SLIT1: variants seen among roughly 807,000 people sequenced by gnomAD.
SLIT1 encodes slit homolog 1 protein.
Under a neutral mutation model 186.1 loss-of-function variants are expected in SLIT1, and 66 were observed. The observed-to-expected ratio is 0.35, with a 90% CI of 0.29 to 0.44. The LOEUF (loss-of-function observed/expected upper bound fraction) is 0.44, where lower values mean the gene tolerates loss of function less well. Among genes scored for constraint, SLIT1 ranks in the 20% least tolerant of loss-of-function variants. SLIT1 has a pLI of 1.00. For missense variants in SLIT1, 1,638 were observed against 2,037.4 expected (o/e 0.80, Z 3.77); for synonymous variants, 761 against 833.8 (o/e 0.91, Z 1.50).
chr10:97,140,029 C>T (rs1849741859), intron 4 of SLIT1, among the ~76,000 whole-genome samples: 1 of 152,126 alleles, frequency 6.6e-6, no homozygotes, highest in Admixed American at 6.5e-5. Context: ...TCTGTCTTTC[C>T]AGGGGCCTTG....
At position 96,999,998 on chromosome 10, in the gene SLIT1, A is replaced by G. The variant is rs1848289159; in HGVS notation, c.*1114T>C. On this transcript the variant is annotated 3_prime_UTR_variant, in exon 37 of 37. Coordinates refer to ENST00000266058, the MANE Select transcript of SLIT1 (RefSeq NM_003061.3). ...CCAAGACCACAGTGGGGGAGTCTGC[A>G]CTGTTCCTTTAGTCATCCCGCCCCC... 6.6e-6 allele frequency: 1 copy of G among 152,354 alleles called. No homozygotes were observed. Among genetic ancestry groups the G allele is most frequent in the Non-Finnish European group, 1.5e-5 (1 of 68,140 alleles). The allele number at this position is 152,354 out of a possible 1,614,324, so 9.4% of individuals were successfully genotyped here.
intron 25 of SLIT1, among the ~76,000 whole-genome samples, chr10:97,027,169 G>C (rs532080489): frequency 1.3e-5 from 2 of 152,338 alleles, no homozygotes; most frequent in South Asian, 2.1e-4. Flanking sequence ...ACTTGTCATA[G>C]AGCCGTGTGC....
chr10:97,145,230 G>A (rs902854928), intron 4 of SLIT1, among the ~76,000 whole-genome samples: 6 of 151,966 alleles, frequency 3.9e-5, no homozygotes, highest in Non-Finnish European at 7.4e-5. Flanking sequence ...CAATTCTCCC[G>A]CCTCAGCCTC....
intron 25 of SLIT1, among the ~76,000 whole-genome samples, chr10:97,027,911 A>T (rs1554845430): frequency 6.6e-6 from 1 of 152,086 alleles, no homozygotes; most frequent in Non-Finnish European, 1.5e-5. Context: ...AGATACATTA[A>T]GGGGGGGCGG....
intron 4 of SLIT1, chr10:97,103,757 G>A (rs1456048813): frequency 1.3e-5 from 2 of 152,210 alleles, no homozygotes; most frequent in African/African-American, 2.4e-5. Flanking sequence ...ACAGAGATGT[G>A]AGTGTTGTTG....
intron 34 of SLIT1, 68 bp from the exon 35 acceptor site, chr10:97,003,060 G>T: frequency 6.7e-7 from 1 of 1,481,840 alleles, no homozygotes. Context: ...CCACCCCTGA[G>T]GTCTGGGCAG....
rs149606052 is a variant in SLIT1 at position 97,028,378 on chromosome 10, C to A, written c.2582+2379G>T. Among the ~76,000 whole-genome samples, 398 of 152,250 alleles carry A rather than the reference C, an allele frequency of 2.6e-3. 1 individual carries two copies. Among genetic ancestry groups the A allele is most frequent in the African/African-American group, 9.1e-3 (378 of 41,534 alleles). ...CTTTCTTTACACAATGAAGTGCAAA[C>A]TCCCTAGCAGGCACAAATGGTCCTT... On this transcript the variant is annotated intron_variant, in intron 25 of 36. Transcript: ENST00000266058.
At chr10:97,109,607 A>C (rs185389166) in intron 4 of SLIT1, among the ~76,000 whole-genome samples, 137 of 152,342 alleles carry the variant, frequency 9.0e-4, no homozygotes, top group African/African-American at 3.2e-3. Context: ...ACAGAGAGGA[A>C]GGGATGAAAC....
chr10:97,110,715 C>G (rs1396234013), intron 4 of SLIT1, among the ~76,000 whole-genome samples: 3 of 152,168 alleles, frequency 2.0e-5, no homozygotes, highest in South Asian at 2.1e-4. Context: ...GAGGTTCCCT[C>G]TGGAGCTGAG....
At position 97,004,862 on chromosome 10, in the gene SLIT1, T is replaced by C. The variant is rs369968775; in HGVS notation, c.3580-39A>G. The C allele has an allele frequency of 5.0e-6, 8 of 1,613,276 alleles. No individual in the cohort carries two copies. Among genetic ancestry groups the C allele is most frequent in the African/African-American group, 1.3e-5 (1 of 74,914 alleles). ...GCACTTTCTCTCCCACCCCACCCCA[T>C]GCAGCAGCGGCACAGGCTAGCAGAT... is the stretch of plus-strand genomic sequence containing the variant. On this transcript the variant is annotated intron_variant, in intron 32 of 36. Transcript: ENST00000266058. This position sits in a 1 kb window ranked among gnomAD's most constrained non-coding sequence, Gnocchi z 5.1.
At chr10:97,078,720 G>A (rs1849072029) in intron 4 of SLIT1, among the ~76,000 whole-genome samples, 1 of 152,256 alleles carries the variant, frequency 6.6e-6, no homozygotes, top group Non-Finnish European at 1.5e-5. Context: ...CAAGGGCACA[G>A]CAGCAGGCAA....
intron 4 of SLIT1, among the ~76,000 whole-genome samples, chr10:97,147,295 T>C (rs987673062): frequency 1.3e-4 from 20 of 152,074 alleles, no homozygotes; most frequent in Non-Finnish European, 2.9e-4. Flanking sequence ...TATTGCTCAA[T>C]GGGTACAGAG....
At chr10:97,126,173 G>A (rs189047478) in intron 4 of SLIT1, among the ~76,000 whole-genome samples, 7 of 152,150 alleles carry the variant, frequency 4.6e-5, no homozygotes, top group Admixed American at 6.5e-5. Flanking sequence ...ATAACTTTCC[G>A]ATGTGAAGGT....
chr10:97,052,393 C>T (rs1453125031), intron 13 of SLIT1, among the ~76,000 whole-genome samples: 1 of 152,124 alleles, frequency 6.6e-6, no homozygotes, highest in Non-Finnish European at 1.5e-5. Flanking sequence ...AGCCACTGCA[C>T]CTGGCCTGTA....
intron 4 of SLIT1, among the ~76,000 whole-genome samples, chr10:97,084,181 T>G (rs1003355238): frequency 2.0e-5 from 3 of 152,192 alleles, no homozygotes; most frequent in African/African-American, 7.2e-5. Flanking sequence ...TCAGGAGCCT[T>G]CATCTTAGCA....
At chr10:97,096,284 A>G (rs1316500526) in intron 4 of SLIT1, among the ~76,000 whole-genome samples, 1 of 152,108 alleles carries the variant, frequency 6.6e-6, no homozygotes, top group African/African-American at 2.4e-5. Context: ...GAGAAAAGAA[A>G]ATAAGTATTT....
rs944821748 is a variant in SLIT1 at position 97,006,405 on chromosome 10, T to G, written c.3579+78A>C. On this transcript the variant is annotated intron_variant, in intron 32 of 36. Transcript: ENST00000266058. This position sits in a 1 kb window ranked among gnomAD's most constrained non-coding sequence, Gnocchi z 4.0. Reference sequence around the variant, plus strand: ...CAGTTCCCCAGGCACCATGCAGGGATGTATCCTGATGCTCTGGCCTAAGCC... The same window carrying G: ...CAGTTCCCCAGGCACCATGCAGGGAGGTATCCTGATGCTCTGGCCTAAGCC... 1 of 951,410 alleles carries G rather than the reference T, an allele frequency of 1.1e-6. No homozygotes were observed. Among genetic ancestry groups the G allele is most frequent in the Non-Finnish European group, 1.7e-6 (1 of 596,004 alleles). The allele number at this position is 951,410 out of a possible 1,614,324, so 58.9% of individuals were successfully genotyped here.
At position 97,150,099 on chromosome 10, in the gene SLIT1, G is replaced by A. The variant is rs752067736; in HGVS notation, c.413+7719C>T. Among the ~76,000 whole-genome samples, 94 of 152,144 alleles carry A rather than the reference G, an allele frequency of 6.2e-4. 1 individual carries two copies. Among genetic ancestry groups the A allele is most frequent in the Non-Finnish European group, 9.8e-4 (67 of 68,026 alleles). On this transcript the variant is annotated intron_variant, in intron 4 of 36. Coordinates refer to ENST00000266058, the MANE Select transcript of SLIT1 (RefSeq NM_003061.3). ...AGGGAAGTCTAAGGAGTGATGGACC[G>A]CCATCTCAAGGAGTCCCCAGAGGAC...
chr10:97,106,387 A>AGAATGAATGAAT (rs5787218), intron 4 of SLIT1, among the ~76,000 whole-genome samples: 1 of 144,916 alleles, frequency 6.9e-6, no homozygotes, highest in Non-Finnish European at 1.5e-5. Flanking sequence ...AGAGACAGAG[A>AGAATGAATGAAT]GAATGAATGA....
Sources: gnomAD v4.1 joint callset for allele counts (sites outside exome capture counted in the v4.1 genomes callset) on GRCh38, gnomAD v4.1.1 for gene constraint, Gnocchi (gnomAD v3.1) non-coding constraint, MANE v1.5 for transcripts, NCBI Gene and HGNC (gene_info 2026-07-23, HGNC 2026-07-21) for gene names.